The following CLSTN2 variants were observed in gnomAD, a reference collection of about 807,000 sequenced individuals.
CLSTN2 encodes the protein calsyntenin 2.
Under a neutral mutation model 101.2 loss-of-function variants are expected in CLSTN2, and 48 were observed. The ratio of observed to expected loss-of-function variants is 0.47; its 90% confidence interval spans 0.38 to 0.60. The LOEUF is 0.60. Among genes scored for constraint, CLSTN2 ranks in the 20% least tolerant of loss-of-function variants. The pLI, the probability that CLSTN2 is intolerant of heterozygous loss-of-function variation, is 0.00. For synonymous variants in CLSTN2, 481 were observed against 463.6 expected, an observed-to-expected ratio of 1.04 and a Z score of -0.48; for missense variants, 1,160 against 1,238.2, an observed-to-expected ratio of 0.94 and a Z score of 0.95.
chr3:140,186,160 A>T (rs1355648546), intron 2 of CLSTN2, among the ~76,000 whole-genome samples: 1 of 152,204 alleles, frequency 6.6e-6, no homozygotes, highest in Non-Finnish European at 1.5e-5. Flanking sequence ...TCTTTTAAAA[A>T]GACATAACTG....
At chr3:140,477,705 G>A (rs1934018720) in intron 8 of CLSTN2, among the ~76,000 whole-genome samples, 1 of 152,162 alleles carries the variant, frequency 6.6e-6, no homozygotes, top group South Asian at 2.1e-4. Flanking sequence ...TTTCCATTAT[G>A]TTCTTGTCTT....
chr3:140,209,855 G>C (rs1464046395), intron 2 of CLSTN2, among the ~76,000 whole-genome samples: 1 of 152,126 alleles, frequency 6.6e-6, no homozygotes, highest in East Asian at 1.9e-4. Context: ...AAGTGAGTTG[G>C]AGCCTCAACC....
intron 8 of CLSTN2, among the ~76,000 whole-genome samples, chr3:140,494,805 A>T (rs1295878180): frequency 6.6e-6 from 1 of 152,144 alleles, no homozygotes; most frequent in Non-Finnish European, 1.5e-5. Flanking sequence ...ATTCCTTTTT[A>T]TGGCTACAGA....
chr3:140,236,089 T>C (rs914807327), intron 2 of CLSTN2, among the ~76,000 whole-genome samples: 4 of 152,170 alleles, frequency 2.6e-5, no homozygotes, highest in Non-Finnish European at 5.9e-5. Flanking sequence ...AGATTTGGAA[T>C]TGGTGATTTC....
intron 2 of CLSTN2, among the ~76,000 whole-genome samples, chr3:140,361,912 T>C (rs2087734697): frequency 6.6e-6 from 1 of 152,172 alleles, no homozygotes; most frequent in Non-Finnish European, 1.5e-5. Context: ...CACAAATTCA[T>C]TGGCAGATTA....
intron 2 of CLSTN2, among the ~76,000 whole-genome samples, chr3:140,376,939 T>C (rs996800136): frequency 6.6e-6 from 1 of 152,124 alleles, no homozygotes. Context: ...TACTCCCTTG[T>C]CTTTTTCCCT....
intron 1 of CLSTN2, among the ~76,000 whole-genome samples, chr3:140,020,802 C>T (rs997598656): frequency 1.3e-5 from 2 of 152,148 alleles, no homozygotes; most frequent in Non-Finnish European, 2.9e-5. Context: ...AAGTAAAAAC[C>T]GCTGTTAGCT....
intron 2 of CLSTN2, among the ~76,000 whole-genome samples, chr3:140,341,828 C>A (rs1358733082): frequency 1.3e-5 from 2 of 152,110 alleles, no homozygotes; most frequent in Non-Finnish European, 2.9e-5. Context: ...ATTTACTATC[C>A]TTAGTGAATA....
chr3:140,429,600 T>C (rs372767966), intron 5 of CLSTN2, among the ~76,000 whole-genome samples: 10 of 152,136 alleles, frequency 6.6e-5, no homozygotes, highest in African/African-American at 2.4e-4. Flanking sequence ...CACAGAGGCT[T>C]TCCTGCCTCC....
chr3:140,100,243 TG>T (rs1312498528), intron 1 of CLSTN2, among the ~76,000 whole-genome samples: 1 of 152,080 alleles, frequency 6.6e-6, no homozygotes, highest in Non-Finnish European at 1.5e-5. Context: ...CATCTATTGC[TG>T]TGAACTCCTT....
intron 2 of CLSTN2, among the ~76,000 whole-genome samples, chr3:140,283,627 G>C (rs2107898365): frequency 6.6e-6 from 1 of 152,172 alleles, no homozygotes; most frequent in East Asian, 1.9e-4. Flanking sequence ...TTCTTCCCAG[G>C]TCTCAGGGTC....
chr3:140,068,676 T>C (rs1414714076), intron 1 of CLSTN2, among the ~76,000 whole-genome samples: 2 of 152,218 alleles, frequency 1.3e-5, no homozygotes, highest in East Asian at 1.9e-4. Context: ...CAGTTTCTGA[T>C]GGAGTGGACA....
chr3:140,427,242 TATACATATATATATAC>T (rs2088582089), intron 5 of CLSTN2, among the ~76,000 whole-genome samples: 1 of 127,380 alleles, frequency 7.9e-6, no homozygotes, highest in East Asian at 2.3e-4. Flanking sequence ...TATATATATA[TATACATATATATATAC>T]ATAAATTAAA....
chr3:140,352,015 C>T (rs970139007), intron 2 of CLSTN2, among the ~76,000 whole-genome samples: 9 of 152,082 alleles, frequency 5.9e-5, no homozygotes, highest in Non-Finnish European at 1.2e-4. Flanking sequence ...GAGTAATATA[C>T]CTTGGCAAGA....
At chr3:140,288,136 G>T (rs940894670) in intron 2 of CLSTN2, among the ~76,000 whole-genome samples, 67 of 150,034 alleles carry the variant, frequency 4.5e-4, no homozygotes, top group Middle Eastern at 3.4e-3. Flanking sequence ...CCGGCGGGGG[G>T]GGTCAGAAAT....
In CLSTN2 at chr3:140,498,377, C is replaced by A. The variant is rs938145838; in HGVS notation, c.1344+31646C>A. ...TGGAGTGAGGTGCTGTTGGGTTGCA[C>A]CTTTGGGAAGGCCATCCCTGGGCAG... is the stretch of plus-strand genomic sequence containing the variant. On this transcript the variant is annotated intron_variant, in intron 8 of 16. Transcript: ENST00000458420. Among the ~76,000 whole-genome samples, 6 of 152,196 alleles carry A rather than the reference C, an allele frequency of 3.9e-5. No homozygotes were observed. In the East Asian group the frequency reaches 1.2e-3, roughly 30 times the overall value.
chr3:140,042,698 G>A (rs573593389), intron 1 of CLSTN2, among the ~76,000 whole-genome samples: 3 of 152,120 alleles, frequency 2.0e-5, no homozygotes, highest in South Asian at 2.1e-4. Context: ...GACAGGCCCC[G>A]GTGTGTGATG....
At chr3:140,549,211 G>A (rs2107788057) in intron 10 of CLSTN2, among the ~76,000 whole-genome samples, 1 of 128,396 alleles carries the variant, frequency 7.8e-6, no homozygotes, top group African/African-American at 3.0e-5. Flanking sequence ...CAGTTCCAGG[G>A]TACTAGGCCC....
At chr3:140,522,549 C>G (rs1390196618) in intron 8 of CLSTN2, among the ~76,000 whole-genome samples, 1 of 152,172 alleles carries the variant, frequency 6.6e-6, no homozygotes, top group East Asian at 1.9e-4. Context: ...CACAATAAGG[C>G]TGTTGGAGTA....
Sources: gnomAD v4.1 joint callset for allele counts (sites outside exome capture counted in the v4.1 genomes callset) on GRCh38, gnomAD v4.1.1 for gene constraint, MANE v1.5 for transcripts, NCBI Gene and HGNC (gene_info 2026-07-23, HGNC 2026-07-21) for gene names.